Variants in SERPING1 observed in about 807,000 individuals in gnomAD.
SERPING1 encodes plasma protease C1 inhibitor.
In SERPING1, 5 loss-of-function variants were observed where a neutral mutation model predicts 34.1. The observed-to-expected ratio is 0.15, with a 90% CI of 0.08 to 0.31. The LOEUF (loss-of-function observed/expected upper bound fraction) is 0.31, where lower values mean the gene tolerates loss of function less well. Ranked by LOEUF, SERPING1 falls within the 10% of genes least tolerant of loss-of-function variation. The pLI is 1.00. For missense variants in SERPING1, 505 were observed against 609.5 expected, an observed-to-expected ratio of 0.83 and a Z score of 1.81; for synonymous variants, 225 against 242.4, an observed-to-expected ratio of 0.93 and a Z score of 0.67.
At chr11:57,609,684 CT>C (rs1945457548) in intron 6 of SERPING1, among the ~76,000 whole-genome samples, 2 of 152,190 alleles carry the variant, frequency 1.3e-5, no homozygotes, top group South Asian at 4.1e-4. Context: ...TTTTTTCTAT[CT>C]ACAAACATAA....
Position 57,601,992 on chromosome 11 carries a change from G to C in SERPING1, c.551-43G>C, listed in dbSNP as rs774073771. On this transcript the variant is annotated intron_variant, in intron 3 of 7. Transcript: ENST00000278407. ...ACCCTCATTCCCAAGGAAGGCCCCCGACTCATCCTGCAAGTATCTTTCATC... is the reference window on the plus strand; with the variant it reads ...ACCCTCATTCCCAAGGAAGGCCCCCCACTCATCCTGCAAGTATCTTTCATC... 5 of 1,606,322 alleles carry C rather than the reference G, an allele frequency of 3.1e-6. No homozygotes were observed. The South Asian group carries it at 4.4e-5, about 14-fold the overall frequency.
intron 2 of SERPING1, among the ~76,000 whole-genome samples, chr11:57,598,730 G>T (rs1188876089): frequency 6.6e-6 from 1 of 152,182 alleles, no homozygotes; most frequent in Non-Finnish European, 1.5e-5. Context: ...CTGTGGGGAG[G>T]AGAGGTTTGG....
intron 7 of SERPING1, among the ~76,000 whole-genome samples, chr11:57,612,251 C>T (rs1237261239): frequency 1.3e-5 from 2 of 152,100 alleles, no homozygotes; most frequent in Non-Finnish European, 2.9e-5. Context: ...GGCAGTGGAA[C>T]AGTGGGACAG....
intron 6 of SERPING1, chr11:57,606,916 C>A (rs1048100844): frequency 2.1e-6 from 1 of 487,416 alleles, no homozygotes; most frequent in Non-Finnish European, 4.0e-6. Flanking sequence ...CATACATATA[C>A]ATGTGTAGAC....
chr11:57,607,705 G>A (rs1945426900), intron 6 of SERPING1, among the ~76,000 whole-genome samples: 1 of 152,200 alleles, frequency 6.6e-6, no homozygotes, highest in African/African-American at 2.4e-5. Flanking sequence ...TGTCACTCAA[G>A]CTGCAGTGCA....
chr11:57,613,930 A>G (rs1298294100), intron 7 of SERPING1, among the ~76,000 whole-genome samples: 1 of 152,124 alleles, frequency 6.6e-6, no homozygotes, highest in African/African-American at 2.4e-5. Flanking sequence ...TAGATGGTCT[A>G]ATATTTGGAG....
chr11:57,600,680 G>A (rs1030884683), intron 3 of SERPING1, among the ~76,000 whole-genome samples: 6 of 152,218 alleles, frequency 3.9e-5, no homozygotes, highest in African/African-American at 1.4e-4. Context: ...ATTAGGCGCA[G>A]TGGCTCACGC....
At chr11:57,599,839 G>A (rs749187693) in intron 2 of SERPING1, 40 bp from the exon 3 acceptor site, 88 of 1,613,848 alleles carry the variant, frequency 5.5e-5, no homozygotes, top group East Asian at 2.7e-4. Flanking sequence ...ACTGTGCCTC[G>A]TAGTAAGAAA....
chr11:57,599,117 G>A (rs998016867), intron 2 of SERPING1, among the ~76,000 whole-genome samples: 3 of 152,138 alleles, frequency 2.0e-5, no homozygotes, highest in African/African-American at 7.2e-5. Flanking sequence ...GAGCTAATGC[G>A]TGGTTTCTCA....
chr11:57,602,109 G>T lies in SERPING1; in HGVS notation c.625G>T (p.Ala209Ser), dbSNP rs769794738. ...YPKDFTCVHQ[A>S]LKGFTTKGVT... ...CAAGGACTTCACCTGTGTCCACCAGGCCCTGAAGGGCTTCACGACCAAAGG... is the reference window on the plus strand; with the variant it reads ...CAAGGACTTCACCTGTGTCCACCAGTCCCTGAAGGGCTTCACGACCAAAGG... Residue 209 changes from alanine to serine, a missense_variant, in exon 4 of 8, where the codon GCC (alanine) becomes TCC (serine). Physicochemically the swap from Ala to Ser is moderately conservative, Grantham distance 99. Coordinates refer to ENST00000278407, the MANE Select transcript of SERPING1 (RefSeq NM_000062.3). The T allele has an allele frequency of 6.2e-7, 1 of 1,614,196 alleles. No homozygotes were observed. The highest frequency in any genetic ancestry group is 1.6e-4 in the Middle Eastern group (1 of 6,062).
chr11:57,611,878 A>G lies in SERPING1; in HGVS notation c.1191A>G (p.Thr397=). Residue 397 remains threonine (T), a synonymous_variant, in exon 7 of 8, where the codon ACA becomes ACG. Transcript: ENST00000278407. Reference sequence around the variant, plus strand: ...CCAAGTTCCAGCCCACTCTCCTAACACTACCCCGCATCAAAGTGACGACCA... The same window carrying G: ...CCAAGTTCCAGCCCACTCTCCTAACGCTACCCCGCATCAAAGTGACGACCA... ...EMSKFQPTLL[T]LPRIKVTTSQ... is the part of the protein sequence containing the mutation. 2 of 1,614,118 alleles carry G rather than the reference A, an allele frequency of 1.2e-6. No homozygotes were observed. The highest frequency in any genetic ancestry group is 1.7e-6 in the Non-Finnish European group (2 of 1,180,028).
chr11:57,604,744 C>T (rs1315739370), intron 4 of SERPING1, among the ~76,000 whole-genome samples: 2 of 150,764 alleles, frequency 1.3e-5, no homozygotes, highest in Non-Finnish European at 2.9e-5. Flanking sequence ...GCTCAGTGTG[C>T]CTGTAATTCC....
At position 57,614,515 on chromosome 11, in the gene SERPING1, C is replaced by G. The variant is rs753090209; in HGVS notation, c.1437C>G (p.Phe479Leu). The G allele has an allele frequency of 1.2e-6, 2 of 1,613,956 alleles. No individual in the cohort carries two copies. The highest frequency in any genetic ancestry group is 1.7e-6 in the Non-Finnish European group (2 of 1,179,978). The change falls in exon 8 of 8, where the codon TTC becomes TTG. Residue 479 changes from phenylalanine to leucine, a missense_variant. By Grantham distance (22) the Phe-to-Leu change is conservative (BLOSUM62 0). Transcript: ENST00000278407. Reference sequence around the variant, plus strand: ...TTGAAGTGCAGCAGCCCTTCCTCTTCGTGCTCTGGGACCAGCAGCACAAGT... The same window carrying G: ...TTGAAGTGCAGCAGCCCTTCCTCTTGGTGCTCTGGGACCAGCAGCACAAGT... ...LVFEVQQPFL[F>L]VLWDQQHKFP...
chr11:57,598,392 T>C (rs1945312106), intron 2 of SERPING1, 71 bp downstream of exon 2: 1 of 1,453,662 alleles, frequency 6.9e-7, no homozygotes, highest in Admixed American at 2.0e-5. Context: ...GTGCGGGCGG[T>C]GGCTGAGGAT....
Position 57,611,800 on chromosome 11 carries a change from A to G in SERPING1, c.1113A>G (p.Glu371=), listed in dbSNP as rs2135324611. 6.2e-7 allele frequency: 1 copy of G among 1,614,250 alleles called. No homozygotes were observed. Among genetic ancestry groups the G allele is most frequent in the East Asian group, 2.2e-5 (1 of 44,882 alleles). The stretch of plus-strand genomic sequence containing the variant: ...TGAAACATCGTCTTGAAGACATGGA[A>G]CAGGCTCTCAGCCCTTCTGTTTTCA... ...QNLKHRLEDM[E]QALSPSVFKA... is the part of the protein sequence containing the mutation. The change falls in exon 7 of 8, where the codon GAA becomes GAG. Residue 371 remains glutamate, a synonymous_variant. Transcript: ENST00000278407.
rs5792050 is a variant in SERPING1 at position 57,601,855 on chromosome 11, CAAAAAAAA to C, written c.551-161_551-154del. 1.3e-3 allele frequency among the ~76,000 whole-genome samples: 76 copies of C among 57,784 alleles called. 2 individuals are homozygous for C. Among genetic ancestry groups the C allele is most frequent in the Middle Eastern group, 0.011 (1 of 94 alleles). 37.9% of individuals were successfully genotyped at this position (57,784 alleles called of 152,430 possible). A position where few individuals can be genotyped will look rare whatever the true frequency, so the allele number is the denominator to read the frequency against. ...TGGGCAACAAAGCAAGACTCTGTCT[CAAAAAAAA>C]AAAAAAAAAAAAAAAAAAGAGAGAT... On this transcript the variant is annotated intron_variant, in intron 3 of 7. Coordinates refer to ENST00000278407, the MANE Select transcript of SERPING1 (RefSeq NM_000062.3).
At position 57,600,397 on chromosome 11, in the gene SERPING1, C is replaced by A; in HGVS notation, c.550+20C>A. On this transcript the variant is annotated intron_variant, in intron 3 of 7. Transcript: ENST00000278407. The stretch of plus-strand genomic sequence containing the variant: ...TGCTCGGTAAGACCCTGCTTGAATT[C>A]TCTCCAGGTCATTTGTTGGACACTC... The A allele has an allele frequency of 2.5e-6, 4 of 1,611,896 alleles. No individual in the cohort carries two copies. Among genetic ancestry groups the A allele is most frequent in the Admixed American group, 1.7e-5 (1 of 60,000 alleles).
intron 2 of SERPING1, among the ~76,000 whole-genome samples, chr11:57,599,541 A>G (rs747259213): frequency 6.6e-6 from 1 of 152,206 alleles, no homozygotes; most frequent in Non-Finnish European, 1.5e-5. Flanking sequence ...TTTACAGGAA[A>G]TTGCAAGAAC....
chr11:57,611,424 G>T (rs1014576857), intron 6 of SERPING1: 10 of 487,294 alleles, frequency 2.1e-5, no homozygotes, highest in Non-Finnish European at 3.8e-5. Context: ...AGGGAACAGC[G>T]CTCAGAGAAA....
Sources: allele counts gnomAD v4.1 joint callset (sites outside exome capture counted in the v4.1 genomes callset), GRCh38; gene constraint gnomAD v4.1.1; transcripts MANE v1.5; gene names NCBI Gene and HGNC (gene_info 2026-07-23, HGNC 2026-07-21).